Variants in ADGRB3 observed in about 807,000 individuals in gnomAD.
ADGRB3 encodes the protein brain-specific angiogenesis inhibitor 3.
A neutral mutation model predicts 193.4 loss-of-function variants in ADGRB3; 37 were observed. That is an observed-to-expected ratio of 0.19 (90% confidence interval 0.15 to 0.25). The LOEUF (loss-of-function observed/expected upper bound fraction) is 0.25, where lower values mean the gene tolerates loss of function less well. ADGRB3 is among the 10% of genes least tolerant of loss of function. ADGRB3 has a pLI of 1.00. For synonymous variants in ADGRB3, 690 were observed against 644.2 expected (o/e 1.07, Z -1.08); for missense variants, 1,637 against 1,852.9 (o/e 0.88, Z 2.14).
intron 17 of ADGRB3, among the ~76,000 whole-genome samples, chr6:69,080,031 A>G (rs1772342793): frequency 6.6e-6 from 1 of 151,980 alleles, no homozygotes; most frequent in Non-Finnish European, 1.5e-5. Flanking sequence ...TTTTCTCTCA[A>G]AGTTAAGTAA....
chr6:68,781,795 T>C (rs531848410), intron 3 of ADGRB3, among the ~76,000 whole-genome samples: 51 of 151,850 alleles, frequency 3.4e-4, no homozygotes, highest in Non-Finnish European at 6.6e-4. Flanking sequence ...TGAGGTACCT[T>C]GTTAGATGAG....
chr6:69,334,246 GTAT>G (rs1561990788), intron 24 of ADGRB3, among the ~76,000 whole-genome samples: 1 of 151,656 alleles, frequency 6.6e-6, no homozygotes, highest in African/African-American at 2.4e-5. Flanking sequence ...ATAATTTGTG[GTAT>G]TATTTAATAG....
intron 6 of ADGRB3, among the ~76,000 whole-genome samples, chr6:68,949,330 C>T (rs1184474844): frequency 1.3e-5 from 2 of 152,108 alleles, no homozygotes; most frequent in African/African-American, 2.4e-5. Context: ...CCTGGGAGCC[C>T]AAACCCTGCC....
chr6:68,862,461 G>A (rs964765775), intron 3 of ADGRB3, among the ~76,000 whole-genome samples: 1 of 152,106 alleles, frequency 6.6e-6, no homozygotes, highest in Non-Finnish European at 1.5e-5. Flanking sequence ...ACAGCAAGTG[G>A]TACAGACTCT....
chr6:69,226,239 CTAATA>C (rs1179803189), intron 17 of ADGRB3, among the ~76,000 whole-genome samples: 2 of 152,128 alleles, frequency 1.3e-5, no homozygotes, highest in African/African-American at 2.4e-5. Flanking sequence ...AAGTAGAAAT[CTAATA>C]TGTCTACACA....
At chr6:69,004,876 A>C (rs956142805) in intron 11 of ADGRB3, among the ~76,000 whole-genome samples, 18 of 152,196 alleles carry the variant, frequency 1.2e-4, no homozygotes, top group African/African-American at 3.9e-4. Flanking sequence ...CTTTTATTGA[A>C]GGGGTCTGTG....
chr6:68,820,344 T>C (rs956540188), intron 3 of ADGRB3, among the ~76,000 whole-genome samples: 5 of 152,040 alleles, frequency 3.3e-5, no homozygotes, highest in African/African-American at 1.2e-4. Context: ...TTAGTTTTTC[T>C]TTAATTTTTA....
At chr6:68,943,621 A>G (rs567314136) in intron 5 of ADGRB3, among the ~76,000 whole-genome samples, 1 of 152,220 alleles carries the variant, frequency 6.6e-6, no homozygotes, top group Non-Finnish European at 1.5e-5. Context: ...GTTCAAATGT[A>G]GAAAAAAGCA....
At chr6:68,848,222 A>G (rs974154238) in intron 3 of ADGRB3, among the ~76,000 whole-genome samples, 5 of 152,150 alleles carry the variant, frequency 3.3e-5, no homozygotes, top group Non-Finnish European at 7.4e-5. Flanking sequence ...TAGTAAAAGC[A>G]TAAATCTTTC....
intron 3 of ADGRB3, among the ~76,000 whole-genome samples, chr6:68,880,800 C>A (rs1260607939): frequency 6.6e-6 from 1 of 152,172 alleles, no homozygotes; most frequent in East Asian, 1.9e-4. Flanking sequence ...TTCACAAATT[C>A]ATTCTACAAA....
At chr6:69,292,155 G>T (rs969888296) in intron 20 of ADGRB3, among the ~76,000 whole-genome samples, 3 of 152,068 alleles carry the variant, frequency 2.0e-5, no homozygotes, top group African/African-American at 7.2e-5. Flanking sequence ...AGACTCCCAT[G>T]TCTTGTAAAA....
At chr6:68,641,279 T>G (rs1768077340) in intron 3 of ADGRB3, among the ~76,000 whole-genome samples, 1 of 152,170 alleles carries the variant, frequency 6.6e-6, no homozygotes, top group Admixed American at 6.5e-5. Flanking sequence ...TGTGTGTGCA[T>G]TAAGCATGAT....
rs546009346 is a variant in ADGRB3, at chr6:69,389,138, T to C, written c.*247T>C. 4.4e-5 allele frequency: 14 copies of C among 320,380 alleles called. No individual in the cohort carries two copies. Among genetic ancestry groups the C allele is most frequent in the East Asian group, 1.6e-4 (3 of 18,972 alleles). The allele number at this position is 320,380 out of a possible 1,614,324, so 19.8% of individuals were successfully genotyped here. Reference sequence around the variant, plus strand: ...GAATGGATTTGTAAGGTAATCTTTATAGATAAACCTCAAGCAACGATTCAT... The same window carrying C: ...GAATGGATTTGTAAGGTAATCTTTACAGATAAACCTCAAGCAACGATTCAT... On this transcript the variant is annotated 3_prime_UTR_variant, in exon 32 of 32. Transcript: ENST00000370598.
At chr6:69,354,359 T>A in intron 27 of ADGRB3, 31 bp downstream of exon 27, 1 of 1,522,776 alleles carries the variant, frequency 6.6e-7, no homozygotes, top group Non-Finnish European at 9.1e-7. Context: ...GATTGTTAAT[T>A]AACTCATGAT....
At chr6:69,320,546 T>C (rs1768426678) in intron 20 of ADGRB3, among the ~76,000 whole-genome samples, 1 of 151,534 alleles carries the variant, frequency 6.6e-6, no homozygotes, top group South Asian at 2.1e-4. Context: ...CTTCAAAATT[T>C]CTTCCAATTT....
At chr6:68,956,323 G>A in intron 7 of ADGRB3, 135 bp downstream of exon 7, 1 of 968,048 alleles carries the variant, frequency 1.0e-6, no homozygotes, top group Non-Finnish European at 1.5e-6. Context: ...GTGTGTGTGT[G>A]TGTGTATACA....
chr6:68,657,837 T>C (rs1768528344), intron 3 of ADGRB3, among the ~76,000 whole-genome samples: 2 of 151,424 alleles, frequency 1.3e-5, no homozygotes, highest in African/African-American at 4.8e-5. Flanking sequence ...TTTTGATTAA[T>C]TATGTATTTG....
intron 15 of ADGRB3, among the ~76,000 whole-genome samples, chr6:69,057,644 G>C (rs910838245): frequency 5.9e-5 from 9 of 151,932 alleles, no homozygotes; most frequent in Non-Finnish European, 1.2e-4. Context: ...ATCATGAAAG[G>C]GTGTCGAATT....
In ADGRB3 at chr6:68,838,553, A is replaced by G. The variant is rs1052100093; in HGVS notation, c.758-92006A>G. On this transcript the variant is annotated intron_variant, in intron 3 of 31. Coordinates refer to ENST00000370598, the MANE Select transcript of ADGRB3 (RefSeq NM_001704.3). ...TTCAGATTAGATGTCATGACAAGTG[A>G]TACTATAATTAATTTATTTGGTAAA... 3.9e-5 allele frequency among the ~76,000 whole-genome samples: 6 copies of G among 152,190 alleles called. No homozygotes were observed. In the South Asian group the frequency reaches 6.2e-4, roughly 16 times the overall value.
Sources: allele counts gnomAD v4.1 joint callset (sites outside exome capture counted in the v4.1 genomes callset), GRCh38; gene constraint gnomAD v4.1.1; transcripts MANE v1.5; gene names NCBI Gene and HGNC (gene_info 2026-07-23, HGNC 2026-07-21).